ANO1: variants seen among roughly 807,000 people sequenced by gnomAD.
The protein encoded by ANO1 is anoctamin 1, also known as anoctamin-1.
A neutral mutation model predicts 124.0 loss-of-function variants in ANO1; 59 were observed. The ratio of observed to expected loss-of-function variants is 0.48; its 90% confidence interval spans 0.39 to 0.59. The LOEUF is 0.59. Ranked by LOEUF, ANO1 falls within the 20% of genes least tolerant of loss-of-function variation. The pLI is 0.00. For synonymous variants in ANO1, 529 were observed against 532.0 expected (o/e 0.99, Z 0.08); for missense variants, 1,059 against 1,328.0 (o/e 0.80, Z 3.15).
At chr11:70,060,342 C>G (rs1555007586) in intron 1 of ANO1, among the ~76,000 whole-genome samples, 1 of 152,144 alleles carries the variant, frequency 6.6e-6, no homozygotes, top group Non-Finnish European at 1.5e-5. Context: ...CCAGCTTTAG[C>G]TGGTGAAAAT....
intron 15 of ANO1, 93 bp from the exon 16 acceptor site, chr11:70,156,854 C>T: frequency 9.1e-7 from 1 of 1,099,846 alleles, no homozygotes; most frequent in Non-Finnish European, 1.3e-6. Context: ...TGTCCCTGGG[C>T]CCATGCACGC....
upstream of ANO1, among the ~76,000 whole-genome samples, chr11:70,076,585 C>T (rs954374362): frequency 6.6e-6 from 1 of 152,216 alleles, no homozygotes; most frequent in Non-Finnish European, 1.5e-5. Flanking sequence ...ATCCTCTGTA[C>T]ATGCGTGTGG....
intron 14 of ANO1, 110 bp from the exon 15 acceptor site, chr11:70,155,801 A>G (rs1009336036): frequency 9.8e-7 from 1 of 1,020,542 alleles, no homozygotes; most frequent in Non-Finnish European, 1.4e-6. Context: ...GGCCCGCACC[A>G]GGAGGGGCCA....
chr11:70,102,624 C>T (rs1221533862), intron 2 of ANO1, among the ~76,000 whole-genome samples: 4 of 152,214 alleles, frequency 2.6e-5, no homozygotes, highest in African/African-American at 7.2e-5. Flanking sequence ...CATCTTCAGT[C>T]GTCCCCTCCT....
At chr11:70,029,158 A>T (rs1856958354) in intron 1 of ANO1, among the ~76,000 whole-genome samples, 1 of 152,192 alleles carries the variant, frequency 6.6e-6, no homozygotes. Flanking sequence ...CATGAATGGC[A>T]CAAGCTTCAC....
intron 1 of ANO1, among the ~76,000 whole-genome samples, chr11:70,054,293 T>G (rs1857399688): frequency 6.6e-6 from 1 of 152,176 alleles, no homozygotes; most frequent in Non-Finnish European, 1.5e-5. Flanking sequence ...CTGCAAGTCA[T>G]CCCCACTGGG....
chr11:69,995,782 C>T (rs560581068), intron 1 of ANO1, among the ~76,000 whole-genome samples: 51 of 152,260 alleles, frequency 3.3e-4, no homozygotes, highest in Non-Finnish European at 6.5e-4. Flanking sequence ...GCTTCTCCAC[C>T]GTCAGGTTAC....
intron 23 of ANO1, among the ~76,000 whole-genome samples, chr11:70,181,416 C>T (rs1410236589): frequency 2.0e-5 from 3 of 152,212 alleles, no homozygotes; most frequent in Non-Finnish European, 2.9e-5. Context: ...GCCAGGCATG[C>T]GCTCCCACCA....
chr11:70,146,655 G>A (rs1275761744), intron 11 of ANO1, among the ~76,000 whole-genome samples: 1 of 152,130 alleles, frequency 6.6e-6, no homozygotes, highest in Non-Finnish European at 1.5e-5. Flanking sequence ...GAGGAGAAGG[G>A]AAATCAGTAG....
chr11:70,150,944 T>A (rs1226114140), intron 12 of ANO1, among the ~76,000 whole-genome samples: 4 of 152,224 alleles, frequency 2.6e-5, no homozygotes, highest in African/African-American at 9.7e-5. Context: ...TTCAGCCAAA[T>A]GTGCCAGCTT....
upstream of ANO1, among the ~76,000 whole-genome samples, chr11:69,985,410 G>A (rs1856018333): frequency 6.6e-6 from 1 of 152,192 alleles, no homozygotes; most frequent in Non-Finnish European, 1.5e-5. Flanking sequence ...GTAACCTCCA[G>A]CTCTCCTTTC....
intron 24 of ANO1, 149 bp from the exon 25 acceptor site, chr11:70,185,440 TG>T (rs1265195313): frequency 3.0e-6 from 2 of 666,112 alleles, no homozygotes; most frequent in Non-Finnish European, 5.1e-6. Flanking sequence ...TGCGGGGCCA[TG>T]GGCTGCTCGC....
intron 1 of ANO1, among the ~76,000 whole-genome samples, chr11:70,055,278 T>C (rs1481981379): frequency 6.6e-5 from 10 of 152,140 alleles, no homozygotes; most frequent in African/African-American, 2.2e-4. Context: ...AGAGTTGTGT[T>C]AAATTTTAAG....
intron 22 of ANO1, among the ~76,000 whole-genome samples, chr11:70,172,516 A>C (rs1017675756): frequency 6.6e-6 from 1 of 152,210 alleles, no homozygotes; most frequent in African/African-American, 2.4e-5. Flanking sequence ...AAGATTCCAT[A>C]CCAGCTTGAT....
chr11:69,974,696 G>T, the ANO1 span, among the ~76,000 whole-genome samples: 6 of 152,150 alleles, frequency 3.9e-5, no homozygotes, highest in Non-Finnish European at 8.8e-5. Context: ...TTCTAGGAGA[G>T]AAACACAAGC....
chr11:69,980,115 G>T, the ANO1 span, among the ~76,000 whole-genome samples: 2 of 152,168 alleles, frequency 1.3e-5, no homozygotes, highest in East Asian at 3.8e-4. Flanking sequence ...TTTTGTCACA[G>T]GCTACAACAT....
At chr11:70,109,733 A>G (rs1187630144) in intron 6 of ANO1, among the ~76,000 whole-genome samples, 2 of 152,104 alleles carry the variant, frequency 1.3e-5, no homozygotes, top group African/African-American at 4.8e-5. Flanking sequence ...CTTCCAGTAG[A>G]AACGTGTATG....
intron 1 of ANO1, among the ~76,000 whole-genome samples, chr11:70,013,377 G>T (rs1293611026): frequency 4.0e-5 from 6 of 151,024 alleles, no homozygotes; most frequent in African/African-American, 1.2e-4. Context: ...GCCACACCAG[G>T]CTTGCCTTTT....
chr11:70,078,737 CG>C, intron 1 of ANO1, 23 bp downstream of exon 1: 1 of 1,425,992 alleles, frequency 7.0e-7, no homozygotes, highest in Admixed American at 2.2e-5. Context: ...GGCCGCGACC[CG>C]GGCGGGAGGG....
Sources: allele counts gnomAD v4.1 joint callset (sites outside exome capture counted in the v4.1 genomes callset), GRCh38; gene constraint gnomAD v4.1.1; transcripts MANE v1.5; gene names NCBI Gene and HGNC (gene_info 2026-07-23, HGNC 2026-07-21).